Variants in KIF5B observed in about 807,000 individuals in gnomAD.
KIF5B encodes the protein kinesin family member 5B.
In KIF5B, 49 loss-of-function variants were observed where a neutral mutation model predicts 132.8. The observed-to-expected ratio is 0.37, with a 90% CI of 0.29 to 0.47. The LOEUF (loss-of-function observed/expected upper bound fraction) is 0.47. Ranked by LOEUF, KIF5B falls within the 20% of genes least tolerant of loss-of-function variation. The probability of loss-of-function intolerance (pLI) is 1.00; values close to 1 mark genes in which losing one functional copy is unlikely to be tolerated. For missense variants in KIF5B, 780 were observed against 1,144.0 expected (o/e 0.68, Z 4.59); for synonymous variants, 355 against 369.4 (o/e 0.96, Z 0.45).
At chr10:32,046,779 T>C (rs999164318) in intron 2 of KIF5B, among the ~76,000 whole-genome samples, 4 of 152,182 alleles carry the variant, frequency 2.6e-5, no homozygotes, top group Non-Finnish European at 5.9e-5. Flanking sequence ...TTTTCATTAC[T>C]AACTGCATTG....
intron 20 of KIF5B, 93 bp from the exon 21 acceptor site, chr10:32,018,655 G>A: frequency 1.1e-6 from 1 of 926,768 alleles, no homozygotes; most frequent in Non-Finnish European, 1.6e-6. Flanking sequence ...TGTCTGAAAG[G>A]ATAAATTCTT....
intron 2 of KIF5B, among the ~76,000 whole-genome samples, chr10:32,047,446 T>C (rs1303699466): frequency 6.6e-6 from 1 of 152,162 alleles, no homozygotes; most frequent in Non-Finnish European, 1.5e-5. Flanking sequence ...AATTCAACTC[T>C]TTCAGCAGCT....
At chr10:32,039,545 G>C (rs1326330160) in intron 3 of KIF5B, 114 bp from the exon 4 acceptor site, 3 of 603,462 alleles carry the variant, frequency 5.0e-6, no homozygotes, top group Non-Finnish European at 8.7e-6. Flanking sequence ...TATTTTTGTG[G>C]AAACGGCTCT....
At chr10:32,055,538 A>G (rs903054524) in intron 1 of KIF5B, among the ~76,000 whole-genome samples, 3 of 152,036 alleles carry the variant, frequency 2.0e-5, no homozygotes, top group African/African-American at 7.2e-5. Flanking sequence ...ACACACACAC[A>G]CACGCAGACA....
At chr10:32,023,773 A>G (rs1046952365) in intron 15 of KIF5B, among the ~76,000 whole-genome samples, 7 of 152,310 alleles carry the variant, frequency 4.6e-5, no homozygotes, top group Non-Finnish European at 7.3e-5. Flanking sequence ...TAATGGAGGG[A>G]GGACAGTCTC....
At chr10:32,034,061 T>C in intron 11 of KIF5B, 23 bp from the exon 12 acceptor site, 4 of 1,463,492 alleles carry the variant, frequency 2.7e-6, no homozygotes, top group Non-Finnish European at 3.7e-6. Context: ...AATAAAGTGG[T>C]TAATAAAAAA....
rs1465308382 is a variant in KIF5B, at chr10:32,018,098, G to A, written c.2498C>T (p.Ser833Phe). ...CTGTTCAAGATTATTTTCAAGAAAG[G>A]AGATTTTTTGCTTCTGAGCAGCGCT... ...GGSAAQKQKI[S>F]FLENNLEQLT... The change falls in exon 23 of 26, where the codon TCC becomes TTC. Residue 833 changes from serine (S) to phenylalanine (F), a missense_variant. This residue lies in a region of KIF5B where 32 missense variants were observed against 71.1 expected (regional missense o/e 0.45). Coordinates refer to ENST00000302418, the MANE Select transcript of KIF5B (RefSeq NM_004521.3). 3 of 1,611,370 alleles carry A rather than the reference G, an allele frequency of 1.9e-6. No individual in the cohort carries two copies. Among genetic ancestry groups the A allele is most frequent in the Non-Finnish European group, 2.5e-6 (3 of 1,178,138 alleles).
In KIF5B at chr10:32,028,568, T is replaced by G; in HGVS notation, c.1585A>C (p.Thr529Pro). The G allele has an allele frequency of 6.2e-7, 1 of 1,609,454 alleles. No homozygotes were observed. The highest frequency in any genetic ancestry group is 8.5e-7 in the Non-Finnish European group (1 of 1,178,494). The change falls in exon 15 of 26, where the codon ACT (threonine) becomes CCT (proline). Residue 529 changes from threonine to proline, a missense_variant. This residue lies in a region of KIF5B where 471 missense variants were observed against 569.9 expected (regional missense o/e 0.83). Transcript: ENST00000302418. ...LSDELNQKSA[T>P]LASIDAELQK... The stretch of plus-strand genomic sequence containing the variant: ...AGCTCAGCATCTATACTCGCTAAAG[T>G]TGCCTAAGAGAACCCAAAACAAAAA...
chr10:32,012,899 ATTT>A (rs746066933), intron 25 of KIF5B, among the ~76,000 whole-genome samples: 7 of 136,488 alleles, frequency 5.1e-5, no homozygotes, highest in Admixed American at 7.4e-5. Flanking sequence ...AACTCATGTA[ATTT>A]TTTTTTTTTT....
At position 32,033,840 on chromosome 10, in the gene KIF5B, C is replaced by A. The variant is rs575118791; in HGVS notation, c.1305+5G>T. On this transcript the variant is annotated splice_donor_5th_base_variant and intron_variant, in intron 12 of 25. Coordinates refer to ENST00000302418, the MANE Select transcript of KIF5B (RefSeq NM_004521.3). ...TAAAGCAGACCTAAATCAAGCAATA[C>A]CTACCTTGTCATCAAGCTGTTTGTA... 5.6e-6 allele frequency: 9 copies of A among 1,602,116 alleles called. No homozygotes were observed. Among genetic ancestry groups the A allele is most frequent in the African/African-American group, 2.7e-5 (2 of 74,704 alleles).
At chr10:32,050,211 TCTGAAA>T (rs1302413329) in intron 1 of KIF5B, among the ~76,000 whole-genome samples, 1 of 152,036 alleles carries the variant, frequency 6.6e-6, no homozygotes, top group African/African-American at 2.4e-5. Flanking sequence ...CACTTCAAAG[TCTGAAA>T]TAAAAGTAAC....
chr10:32,017,230 G>A lies in KIF5B; in HGVS notation c.2674C>T (p.Arg892Cys), dbSNP rs773585260. Residue 892 changes from arginine (R) to cysteine (C), a missense_variant, in exon 24 of 26, where the codon CGC becomes TGC. Physicochemically the swap from Arg to Cys is radical, Grantham distance 180. Around this residue, in one of 9 missense-constraint regions of KIF5B, gnomAD observed 90 missense variants for 101.8 expected, o/e 0.88. Transcript: ENST00000302418. ...TCTACTTCTTGCTGATAGCGTTTGC[G>A]ATCACGAGATGCATTTTCTTTAGCT... is the stretch of plus-strand genomic sequence containing the variant. ...KEAKENASRD[R>C]KRYQQEVDRI... 5 of 1,614,170 alleles carry A rather than the reference G, an allele frequency of 3.1e-6. No homozygotes were observed. Among genetic ancestry groups the A allele is most frequent in the Admixed American group, 1.7e-5 (1 of 60,022 alleles).
intron 1 of KIF5B, among the ~76,000 whole-genome samples, chr10:32,050,290 T>C (rs1208671998): frequency 6.6e-6 from 1 of 152,176 alleles, no homozygotes; most frequent in Non-Finnish European, 1.5e-5. Context: ...TCCCAATAAA[T>C]AGGCCGGAAA....
intron 25 of KIF5B, among the ~76,000 whole-genome samples, chr10:32,013,404 G>A (rs1374213444): frequency 1.3e-5 from 2 of 152,098 alleles, no homozygotes; most frequent in Admixed American, 1.3e-4. Context: ...AGAAATAGAG[G>A]GAGAACAAGG....
Position 32,037,336 on chromosome 10 carries a change from A to G in KIF5B, c.629T>C (p.Ile210Thr). Reference sequence around the variant, plus strand: ...TTGTGTGTTCTCTTGTTTGACATTAATAAGAAATATACTGTGACTCCTAGA... The same window carrying G: ...TTGTGTGTTCTCTTGTTTGACATTAGTAAGAAATATACTGTGACTCCTAGA... The part of the protein sequence containing the change: ...HSSRSHSIFL[I>T]NVKQENTQTE... The change falls in exon 8 of 26, where the codon ATT (isoleucine) becomes ACT (threonine). Residue 210 changes from isoleucine (I) to threonine (T), a missense_variant. Physicochemically the swap from Ile to Thr is moderately conservative, Grantham distance 89. This residue lies in a region of KIF5B where 76 missense variants were observed against 146.4 expected (regional missense o/e 0.52). Transcript: ENST00000302418. The G allele has an allele frequency of 6.2e-7, 1 of 1,613,280 alleles. No individual in the cohort carries two copies. Among genetic ancestry groups the G allele is most frequent in the Non-Finnish European group, 8.5e-7 (1 of 1,179,280 alleles).
intron 13 of KIF5B, among the ~76,000 whole-genome samples, chr10:32,032,407 G>A (rs1178316846): frequency 1.3e-5 from 2 of 152,032 alleles, no homozygotes; most frequent in African/African-American, 2.4e-5. Flanking sequence ...TTAAAGGACT[G>A]CTTTTCAATT....
intron 2 of KIF5B, among the ~76,000 whole-genome samples, chr10:32,045,916 T>C (rs1564470628): frequency 6.6e-6 from 1 of 152,166 alleles, no homozygotes; most frequent in Non-Finnish European, 1.5e-5. Flanking sequence ...CTGCCAACAA[T>C]CTTATTCATT....
At position 32,050,459 on chromosome 10, in the gene KIF5B, A is replaced by G. The variant is rs139862669; in HGVS notation, c.127-1908T>C. The stretch of plus-strand genomic sequence containing the variant: ...AAAACTGCCCTTTCTCCTTCCTGGA[A>G]TGAATGCCTGGAGCTGTAGCATCCA... On this transcript the variant is annotated intron_variant, in intron 1 of 25. Coordinates refer to ENST00000302418, the MANE Select transcript of KIF5B (RefSeq NM_004521.3). 2.3e-3 allele frequency among the ~76,000 whole-genome samples: 356 copies of G among 152,324 alleles called. 3 individuals are homozygous for G. The highest frequency in any genetic ancestry group is 8.2e-3 in the African/African-American group (341 of 41,574).
intron 16 of KIF5B, among the ~76,000 whole-genome samples, chr10:32,022,581 T>G (rs1228233910): frequency 6.6e-6 from 1 of 152,166 alleles, no homozygotes; most frequent in Non-Finnish European, 1.5e-5. Flanking sequence ...AGGAAACTGG[T>G]TCCCTGCAGT....
Sources: gnomAD v4.1 joint callset for allele counts (sites outside exome capture counted in the v4.1 genomes callset) on GRCh38, gnomAD v4.1.1 for gene constraint, gnomAD v4.1.1 regional missense constraint, MANE v1.5 for transcripts, NCBI Gene and HGNC (gene_info 2026-07-23, HGNC 2026-07-21) for gene names.